EBF3: variants seen among roughly 807,000 people sequenced by gnomAD.
The protein encoded by EBF3 is EBF transcription factor 3.
EBF3 carries 18 observed loss-of-function variants against 77.1 expected under a neutral mutation model. The observed-to-expected ratio is 0.23, with a 90% CI of 0.16 to 0.35. The LOEUF (loss-of-function observed/expected upper bound fraction) is 0.35, where lower values mean the gene tolerates loss of function less well. Ranked by LOEUF, EBF3 falls within the 10% of genes least tolerant of loss-of-function variation. The pLI, the probability that EBF3 is intolerant of heterozygous loss-of-function variation, is 1.00. For synonymous variants in EBF3, 350 were observed against 343.5 expected, an observed-to-expected ratio of 1.02 and a Z score of -0.21; for missense variants, 558 against 860.0, an observed-to-expected ratio of 0.65 and a Z score of 4.39.
At chr10:129,912,134 G>C (rs141166697) in intron 6 of EBF3, among the ~76,000 whole-genome samples, 1 of 152,110 alleles carries the variant, frequency 6.6e-6, no homozygotes, top group Non-Finnish European at 1.5e-5. Context: ...GGAGGTCCTC[G>C]CGCACCAAGA....
chr10:129,857,034 A>C (rs960715613), intron 10 of EBF3, among the ~76,000 whole-genome samples: 3 of 152,122 alleles, frequency 2.0e-5, no homozygotes, highest in African/African-American at 7.2e-5. Context: ...GCAGTGGGGG[A>C]AGGGCCTGGT....
chr10:129,838,041 C>CT (rs1849726837), intron 16 of EBF3, 81 bp from the exon 17 acceptor site: 2 of 1,556,214 alleles, frequency 1.3e-6, no homozygotes, highest in Middle Eastern at 1.7e-4. Context: ...CGGGGCTGCC[C>CT]TTCCCCCCTA....
intron 10 of EBF3, among the ~76,000 whole-genome samples, chr10:129,865,348 A>G (rs1451060910): frequency 6.6e-6 from 1 of 152,154 alleles, no homozygotes; most frequent in Non-Finnish European, 1.5e-5. Context: ...CCATTGTGAC[A>G]TGTCTTTATT....
At chr10:129,866,062 T>C (rs990088635) in intron 10 of EBF3, among the ~76,000 whole-genome samples, 3 of 152,226 alleles carry the variant, frequency 2.0e-5, no homozygotes, top group Non-Finnish European at 4.4e-5. Context: ...ATCTCTCAAA[T>C]GTCACAGCCT....
rs1452440243 is a variant in EBF3 at position 129,885,916 on chromosome 10, T to A, written c.555-8067A>T. Among the ~76,000 whole-genome samples the A allele has an allele frequency of 6.6e-6, 1 of 152,154 alleles. No homozygotes were observed. Among genetic ancestry groups the A allele is most frequent in the Non-Finnish European group, 1.5e-5 (1 of 68,020 alleles). On this transcript the variant is annotated intron_variant, in intron 6 of 16. Transcript: ENST00000440978. The surrounding 1 kb of genome is among the most constrained non-coding windows in gnomAD (Gnocchi z 4.0). ...TCAAGCCTCTCCCACCATACGCGTG[T>A]GTGTTTTTAGGGATCTGAAGATCAC...
chr10:129,857,302 C>G (rs1851319615), intron 10 of EBF3, among the ~76,000 whole-genome samples: 1 of 152,148 alleles, frequency 6.6e-6, no homozygotes, highest in African/African-American at 2.4e-5. Context: ...CATAGGGGTT[C>G]CCAAATGCCA....
At chr10:129,908,587 A>G (rs1855302531) in intron 6 of EBF3, among the ~76,000 whole-genome samples, 1 of 152,264 alleles carries the variant, frequency 6.6e-6, no homozygotes, top group Non-Finnish European at 1.5e-5. Flanking sequence ...CAACTCCTCC[A>G]AGAAAACTCA....
chr10:129,943,535 C>T lies in EBF3; in HGVS notation c.554+13723G>A, dbSNP rs1857944363. Among the ~76,000 whole-genome samples the T allele has an allele frequency of 6.6e-6, 1 of 152,176 alleles. No homozygotes were observed. On this transcript the variant is annotated intron_variant, in intron 6 of 16. Transcript: ENST00000440978. The surrounding 1 kb of genome is among the most constrained non-coding windows in gnomAD (Gnocchi z 8.8). ...ATAATTTCTTTCAGCTGGACCTGGC[C>T]TCCAGCGCACTTGGATGCTAGGGAT...
At chr10:129,933,314 C>G (rs1219702886) in intron 6 of EBF3, among the ~76,000 whole-genome samples, 1 of 152,194 alleles carries the variant, frequency 6.6e-6, no homozygotes, top group Non-Finnish European at 1.5e-5. Context: ...GCGAATTATG[C>G]CTGGCAAGGG....
chr10:129,848,562 A>C lies in EBF3; in HGVS notation c.1040-82T>G. The C allele has an allele frequency of 7.0e-7, 1 of 1,428,434 alleles. No individual in the cohort carries two copies. Among genetic ancestry groups the C allele is most frequent in the Non-Finnish European group, 9.9e-7 (1 of 1,011,316 alleles). 88.5% of individuals were successfully genotyped at this position (1,428,434 alleles called of 1,614,324 possible). On this transcript the variant is annotated intron_variant, in intron 10 of 16. Transcript: ENST00000440978. The surrounding 1 kb of genome is among the most constrained non-coding windows in gnomAD (Gnocchi z 4.4). Reference sequence around the variant, plus strand: ...TCGTTTATTGCACACTTACAAATAAATGTGTAGTTCTCCTGCTCTGATGCT... The same window carrying C: ...TCGTTTATTGCACACTTACAAATAACTGTGTAGTTCTCCTGCTCTGATGCT...
chr10:129,894,759 T>C (rs978865003), intron 6 of EBF3, among the ~76,000 whole-genome samples: 1 of 152,218 alleles, frequency 6.6e-6, no homozygotes, highest in African/African-American at 2.4e-5. Context: ...ATTCTAACAT[T>C]TGTCAACATC....
intron 8 of EBF3, among the ~76,000 whole-genome samples, chr10:129,872,580 T>C (rs1165330122): frequency 6.6e-6 from 1 of 152,198 alleles, no homozygotes; most frequent in African/African-American, 2.4e-5. Context: ...ACCATTTAGT[T>C]TTACAGGCTC....
intron 6 of EBF3, among the ~76,000 whole-genome samples, chr10:129,934,671 C>T (rs1262086021): frequency 6.6e-6 from 1 of 152,206 alleles, no homozygotes; most frequent in African/African-American, 2.4e-5. Flanking sequence ...CATTCCCTCA[C>T]AAGCTCCTGC....
intron 10 of EBF3, among the ~76,000 whole-genome samples, chr10:129,862,103 A>G (rs1770371860): frequency 6.6e-6 from 1 of 152,210 alleles, no homozygotes; most frequent in Non-Finnish European, 1.5e-5. Flanking sequence ...GCCCTGGAGG[A>G]CACAGCGTCG....
chr10:129,957,697 T>A (rs567089184), intron 5 of EBF3, among the ~76,000 whole-genome samples: 1 of 152,354 alleles, frequency 6.6e-6, no homozygotes, highest in Non-Finnish European at 1.5e-5. Context: ...CCTCTAATTG[T>A]CAAGCTGTTA....
intron 11 of EBF3, among the ~76,000 whole-genome samples, chr10:129,847,387 C>G (rs1258176885): frequency 6.6e-6 from 1 of 152,188 alleles, no homozygotes; most frequent in Non-Finnish European, 1.5e-5. Context: ...TGGGCTCACC[C>G]TCAGGAACAA....
At position 129,848,366 on chromosome 10, in the gene EBF3, G is replaced by A. The variant is rs201759320; in HGVS notation, c.1128+26C>T. On this transcript the variant is annotated intron_variant, in intron 11 of 16. Transcript: ENST00000440978. The surrounding 1 kb of genome is among the most constrained non-coding windows in gnomAD (Gnocchi z 4.4). ...GCCCAGTGGCGGCCCCACCATGAGC[G>A]GGGTGCCACTTGCTCTTTTACTAAC... 601 of 1,611,120 alleles carry A rather than the reference G, an allele frequency of 3.7e-4. No individual in the cohort carries two copies. Among genetic ancestry groups the A allele is most frequent in the Non-Finnish European group, 4.7e-4 (551 of 1,177,328 alleles).
At position 129,957,339 on chromosome 10, in the gene EBF3, T is replaced by C. The variant is rs746255752; in HGVS notation, c.486-13A>G. ...GTCACAGCACCGGCTGTGGAGCAAT[T>C]GTAAACAGTGGTTTTAATATGCATT... On this transcript the variant is annotated splice_polypyrimidine_tract_variant and intron_variant, in intron 5 of 16. Transcript: ENST00000440978. 2 of 1,599,178 alleles carry C rather than the reference T, an allele frequency of 1.3e-6. 1 individual carries two copies. Among genetic ancestry groups the C allele is most frequent in the South Asian group, 2.3e-5 (2 of 88,244 alleles).
At chr10:129,917,681 T>TAAAAAAAAAAA (rs1239226466) in intron 6 of EBF3, among the ~76,000 whole-genome samples, 65 of 60,402 alleles carry the variant, frequency 1.1e-3, no homozygotes, top group South Asian at 1.7e-3. Context: ...AAAAAAAAAC[T>TAAAAAAAAAAA]AAAACCAAGC....
Sources: allele counts gnomAD v4.1 joint callset (sites outside exome capture counted in the v4.1 genomes callset), GRCh38; gene constraint gnomAD v4.1.1; non-coding constraint Gnocchi (gnomAD v3.1); transcripts MANE v1.5; gene names NCBI Gene and HGNC (gene_info 2026-07-23, HGNC 2026-07-21).